WDFY1: variants seen among roughly 807,000 people sequenced by gnomAD.
The protein encoded by WDFY1 is WD repeat and FYVE domain-containing protein 1.
A neutral mutation model predicts 56.4 loss-of-function variants in WDFY1; 32 were observed. That is an observed-to-expected ratio of 0.57 (90% CI 0.43 to 0.76). WDFY1 has a LOEUF of 0.76. WDFY1 is among the 30% of genes least tolerant of loss of function. The probability of loss-of-function intolerance (pLI) is 0.00; values close to 1 mark genes in which losing one functional copy is unlikely to be tolerated. For synonymous variants in WDFY1, 192 were observed against 197.3 expected, an observed-to-expected ratio of 0.97 and a Z score of 0.23; for missense variants, 480 against 545.7, an observed-to-expected ratio of 0.88 and a Z score of 1.20.
At chr2:223,919,333 C>G (rs1693851618) in intron 1 of WDFY1, among the ~76,000 whole-genome samples, 1 of 152,216 alleles carries the variant, frequency 6.6e-6, no homozygotes, top group Non-Finnish European at 1.5e-5. Flanking sequence ...GCCTCAGCCT[C>G]TCAAGTAGCT....
chr2:223,912,253 C>T lies in WDFY1; in HGVS notation c.279G>A (p.Met93Ile). The T allele has an allele frequency of 6.2e-7, 1 of 1,607,330 alleles. No homozygotes were observed. The highest frequency in any genetic ancestry group is 8.5e-7 in the Non-Finnish European group (1 of 1,177,994). The change falls in exon 3 of 12, where the codon ATG becomes ATA. Residue 93 changes from methionine to isoleucine, a missense_variant and splice_region_variant. Coordinates refer to ENST00000233055, the MANE Select transcript of WDFY1 (RefSeq NM_020830.5). ...TAAATACATTCTAAAAGCTACCTAC[C>T]ATTACAGCTCCATTATCCTGGCCCA... ...IFVGQDNGAVMEFHVSEDFNK... is the reference protein window; with the variant it reads ...IFVGQDNGAVIEFHVSEDFNK...
Position 223,880,120 on chromosome 2 carries a change from T to C in WDFY1, c.1173+4A>G. 6.2e-7 allele frequency: 1 copy of C among 1,613,150 alleles called. No individual in the cohort carries two copies. Among genetic ancestry groups the C allele is most frequent in the Non-Finnish European group, 8.5e-7 (1 of 1,179,100 alleles). On this transcript the variant is annotated splice_donor_region_variant and intron_variant, in intron 11 of 11. Transcript: ENST00000233055. ...AGATGCTGACAGACAATTAGCCAGC[T>C]TACCTTTACAATGCGGTCGGTCCCA... is the stretch of plus-strand genomic sequence containing the variant.
intron 1 of WDFY1, among the ~76,000 whole-genome samples, chr2:223,927,743 T>C (rs930152297): frequency 2.0e-5 from 3 of 152,228 alleles, no homozygotes; most frequent in African/African-American, 7.2e-5. Context: ...AGGCCTAGCT[T>C]TCGGCCTGTC....
At chr2:223,936,306 C>A (rs188387253) in intron 1 of WDFY1, among the ~76,000 whole-genome samples, 5 of 152,196 alleles carry the variant, frequency 3.3e-5, no homozygotes, top group Admixed American at 1.3e-4. Flanking sequence ...AAGCAATCTG[C>A]CTGCCTCAGC....
At chr2:223,879,731 A>C (rs951279882) in intron 11 of WDFY1, among the ~76,000 whole-genome samples, 1 of 152,164 alleles carries the variant, frequency 6.6e-6, no homozygotes, top group Non-Finnish European at 1.5e-5. Context: ...CAGGGATTTA[A>C]TTGTTAAAAT....
chr2:223,896,084 A>G (rs1693363723), intron 6 of WDFY1, among the ~76,000 whole-genome samples: 1 of 138,996 alleles, frequency 7.2e-6, no homozygotes, highest in Admixed American at 8.0e-5. Context: ...TGAACCCAGG[A>G]GGTGGAAGTT....
At chr2:223,894,563 G>T in intron 7 of WDFY1, 1 of 512,412 alleles carries the variant, frequency 2.0e-6, no homozygotes. Flanking sequence ...TTTCAAATCG[G>T]TCATTAAGAA....
chr2:223,885,698 A>T (rs1405755715), intron 8 of WDFY1, among the ~76,000 whole-genome samples: 1 of 152,208 alleles, frequency 6.6e-6, no homozygotes, highest in Non-Finnish European at 1.5e-5. Flanking sequence ...GAATCTGGTG[A>T]CCTACCACTT....
intron 6 of WDFY1, 52 bp from the exon 7 acceptor site, chr2:223,895,682 A>G: frequency 6.2e-7 from 1 of 1,600,028 alleles, no homozygotes; most frequent in East Asian, 2.3e-5. Flanking sequence ...GAAGTAAAAT[A>G]TAACTCTACA....
At chr2:223,903,526 AAAC>A (rs372462609) in intron 4 of WDFY1, among the ~76,000 whole-genome samples, 6,449 of 43,780 alleles carry the variant, frequency 0.15, 181 homozygotes, top group Admixed American at 0.22. Flanking sequence ...CTTTCTCAAA[AAAC>A]AAAACAAAAC....
chr2:223,893,892 G>A (rs920191118), intron 8 of WDFY1, among the ~76,000 whole-genome samples: 7 of 152,196 alleles, frequency 4.6e-5, no homozygotes, highest in Non-Finnish European at 1.0e-4. Flanking sequence ...GGAATGCTAC[G>A]GGACCACAAT....
At chr2:223,922,689 T>G (rs1265381054) in intron 1 of WDFY1, among the ~76,000 whole-genome samples, 1 of 152,144 alleles carries the variant, frequency 6.6e-6, no homozygotes, top group East Asian at 1.9e-4. Flanking sequence ...GCTCAAAGGA[T>G]CTAGTGGCAT....
Position 223,894,178 on chromosome 2 carries a change from A to C in WDFY1, c.831+56T>G, listed in dbSNP as rs188388051. 2,728 of 1,585,462 alleles carry C rather than the reference A, an allele frequency of 1.7e-3. 6 individuals are homozygous for C. The highest frequency in any genetic ancestry group is 2.1e-3 in the Non-Finnish European group (2,478 of 1,156,744). ...GCTTGCGGGGTGAAAAGCCAAGAAG[A>C]AGCCAGGTTCCTGGGGGTCTCCCCC... On this transcript the variant is annotated intron_variant, in intron 8 of 11. Coordinates refer to ENST00000233055, the MANE Select transcript of WDFY1 (RefSeq NM_020830.5).
chr2:223,914,408 GT>G (rs1052869595), intron 2 of WDFY1, among the ~76,000 whole-genome samples: 9 of 151,478 alleles, frequency 5.9e-5, no homozygotes, highest in Non-Finnish European at 1.0e-4. Flanking sequence ...TTAATAAATA[GT>G]TTTTTTTTCC....
chr2:223,897,371 TATATATATATA>T (rs1325433922), intron 6 of WDFY1, among the ~76,000 whole-genome samples: 2,336 of 65,256 alleles, frequency 0.036, 167 homozygotes, highest in African/African-American at 0.13. Context: ...TATATATATA[TATATATATATA>T]TATATATATT....
rs1559160927 is a variant in WDFY1, at chr2:223,880,110, A to AT, written c.1173+13dup. The AT allele has an allele frequency of 6.2e-7, 1 of 1,607,522 alleles. No individual in the cohort carries two copies. The highest frequency in any genetic ancestry group is 1.1e-5 in the South Asian group (1 of 90,896). Reference sequence around the variant, plus strand: ...ATCTCAACTGAGATGCTGACAGACAATTAGCCAGCTTACCTTTACAATGCG... The same window carrying AT: ...ATCTCAACTGAGATGCTGACAGACAATTTAGCCAGCTTACCTTTACAATGCG... On this transcript the variant is annotated intron_variant, in intron 11 of 11. Coordinates refer to ENST00000233055, the MANE Select transcript of WDFY1 (RefSeq NM_020830.5).
intron 11 of WDFY1, 23 bp downstream of exon 11, chr2:223,880,101 T>C: frequency 1.3e-6 from 2 of 1,599,556 alleles, no homozygotes; most frequent in Non-Finnish European, 1.7e-6. Flanking sequence ...ACTGAGATGC[T>C]GACAGACAAT....
chr2:223,916,696 G>A (rs1382305067), intron 2 of WDFY1, among the ~76,000 whole-genome samples: 2 of 152,140 alleles, frequency 1.3e-5, no homozygotes, highest in African/African-American at 4.8e-5. Flanking sequence ...TCTCTACAGG[G>A]CTTTCTTTTC....
chr2:223,934,524 T>A (rs1694136998), intron 1 of WDFY1, among the ~76,000 whole-genome samples: 1 of 151,984 alleles, frequency 6.6e-6, no homozygotes, highest in Non-Finnish European at 1.5e-5. Flanking sequence ...TTTTATTTTA[T>A]TTTTTTAATT....
Sources: gnomAD v4.1 joint callset for allele counts (sites outside exome capture counted in the v4.1 genomes callset) on GRCh38, gnomAD v4.1.1 for gene constraint, MANE v1.5 for transcripts, NCBI Gene and HGNC (gene_info 2026-07-23, HGNC 2026-07-21) for gene names.